OSBPL9: variants seen among roughly 807,000 people sequenced by gnomAD.
The protein encoded by OSBPL9 is oxysterol binding protein like 9, also known as oxysterol-binding protein-related protein 9.
In OSBPL9, 40 loss-of-function variants were observed where a neutral mutation model predicts 106.6. The ratio of observed to expected loss-of-function variants is 0.38; its 90% CI spans 0.29 to 0.49. The LOEUF is 0.49. Ranked by LOEUF, OSBPL9 falls within the 20% of genes least tolerant of loss-of-function variation. The pLI is 0.97. For synonymous variants in OSBPL9, 269 were observed against 295.4 expected, an observed-to-expected ratio of 0.91 and a Z score of 0.92; for missense variants, 609 against 887.2, an observed-to-expected ratio of 0.69 and a Z score of 3.98.
At position 51,784,513 on chromosome 1, in the gene OSBPL9, G is replaced by A. The variant is rs747177719; in HGVS notation, c.1760G>A (p.Ser587Asn). ...ATTAATTGTTCCAAAACAGGCTATAGTGCAAATATCATCTTCCACACTAAA... is the reference window on the plus strand; with the variant it reads ...ATTAATTGTTCCAAAACAGGCTATAATGCAAATATCATCTTCCACACTAAA... ...CNINCSKTGY[S>N]ANIIFHTKPF... Residue 587 changes from serine (S) to asparagine (N), a missense_variant, in exon 20 of 24, where the codon AGT becomes AAT. Ser to Asn is a conservative substitution (Grantham distance 46). Transcript: ENST00000428468. 2 of 1,613,560 alleles carry A rather than the reference G, an allele frequency of 1.2e-6. No homozygotes were observed.
At chr1:51,696,405 A>G (rs895959451) in intron 3 of OSBPL9, among the ~76,000 whole-genome samples, 1 of 152,202 alleles carries the variant, frequency 6.6e-6, no homozygotes, top group African/African-American at 2.4e-5. Flanking sequence ...TCTAAAAACA[A>G]CAACAACAAC....
the OSBPL9 span, among the ~76,000 whole-genome samples, chr1:51,526,067 G>A: frequency 6.6e-6 from 1 of 152,132 alleles, no homozygotes; most frequent in African/African-American, 2.4e-5. Flanking sequence ...TGTAGAGACA[G>A]GGTTTTGCCA....
intron 2 of OSBPL9, among the ~76,000 whole-genome samples, chr1:51,666,075 T>G (rs527795567): frequency 1.3e-5 from 2 of 152,174 alleles, no homozygotes; most frequent in Non-Finnish European, 2.9e-5. Context: ...CTCAAACCCC[T>G]GACCTCAGGT....
In OSBPL9 at chr1:51,663,312, G is replaced by GTA. The variant is rs528898801; in HGVS notation, c.163-6121_163-6120insAT. On this transcript the variant is annotated intron_variant, in intron 2 of 23. Transcript: ENST00000428468. ...TGCTGGCAAGTGTGTGTGTGTGTGT[G>GTA]TGTGTGTGTGTGTAAAACGTGTGTA... is the stretch of plus-strand genomic sequence containing the variant. Among the ~76,000 whole-genome samples, 70 of 151,820 alleles carry GTA rather than the reference G, an allele frequency of 4.6e-4. 2 individuals are homozygous for GTA. In the South Asian group the frequency reaches 0.012, roughly 26 times the overall value.
intron 8 of OSBPL9, among the ~76,000 whole-genome samples, chr1:51,753,777 C>T (rs1210442276): frequency 6.6e-6 from 1 of 152,204 alleles, no homozygotes; most frequent in Non-Finnish European, 1.5e-5. Context: ...TAGATTCTCT[C>T]CTGCCTAAAT....
intron 1 of OSBPL9, among the ~76,000 whole-genome samples, chr1:51,620,202 T>C (rs1051354005): frequency 6.6e-6 from 1 of 152,182 alleles, no homozygotes; most frequent in Non-Finnish European, 1.5e-5. Context: ...AGCAACCAAT[T>C]GTTTATGTGG....
At chr1:51,691,229 AT>A (rs35832725) in intron 3 of OSBPL9, among the ~76,000 whole-genome samples, 1 of 146,506 alleles carries the variant, frequency 6.8e-6, no homozygotes, top group African/African-American at 2.5e-5. Flanking sequence ...TTATTTAAAA[AT>A]TTTTTCTTTC....
intron 1 of OSBPL9, among the ~76,000 whole-genome samples, chr1:51,626,455 T>C (rs1167849119): frequency 6.6e-6 from 1 of 152,114 alleles, no homozygotes; most frequent in African/African-American, 2.4e-5. Flanking sequence ...TTATGCAGTA[T>C]AACAAACAGT....
intron 3 of OSBPL9, among the ~76,000 whole-genome samples, chr1:51,674,271 AT>A (rs1367564575): frequency 5.3e-5 from 8 of 151,668 alleles, no homozygotes; most frequent in Non-Finnish European, 1.2e-4. Context: ...TGTAATAGTT[AT>A]TTTTTGAGTT....
At chr1:51,581,975 A>G (rs1197347821) in intron 1 of OSBPL9, among the ~76,000 whole-genome samples, 2 of 152,188 alleles carry the variant, frequency 1.3e-5, no homozygotes. Flanking sequence ...GCCCTAGATC[A>G]GCCATTTCTC....
intron 2 of OSBPL9, among the ~76,000 whole-genome samples, chr1:51,604,840 A>G (rs1459086542): frequency 1.3e-5 from 2 of 152,154 alleles, no homozygotes; most frequent in African/African-American, 2.4e-5. Context: ...TTTAGTAGAC[A>G]CGGGGTTTCA....
the OSBPL9 span, among the ~76,000 whole-genome samples, chr1:51,535,913 G>T: frequency 2.6e-5 from 4 of 151,792 alleles, no homozygotes; most frequent in African/African-American, 9.7e-5. Flanking sequence ...TCTCAAACTT[G>T]CAGAAGAGCT....
intron 2 of OSBPL9, among the ~76,000 whole-genome samples, chr1:51,603,128 C>G (rs1258450393): frequency 6.6e-6 from 1 of 152,148 alleles, no homozygotes; most frequent in Non-Finnish European, 1.5e-5. Flanking sequence ...GTACTCCAGC[C>G]TGGGCAACAG....
At chr1:51,744,634 A>G (rs1463988449) in intron 4 of OSBPL9, among the ~76,000 whole-genome samples, 1 of 152,146 alleles carries the variant, frequency 6.6e-6, no homozygotes, top group Non-Finnish European at 1.5e-5. Context: ...GATCAAGTAT[A>G]TTTTACCCAT....
intron 4 of OSBPL9, among the ~76,000 whole-genome samples, chr1:51,727,153 T>TTA (rs397980184): frequency 1.4e-5 from 2 of 142,094 alleles, no homozygotes; most frequent in African/African-American, 5.2e-5. Context: ...TTTTTTTTTT[T>TTA]ACTGGCTTAG....
intron 1 of OSBPL9, among the ~76,000 whole-genome samples, chr1:51,626,586 C>G (rs1644780712): frequency 6.6e-6 from 1 of 152,132 alleles, no homozygotes; most frequent in Non-Finnish European, 1.5e-5. Flanking sequence ...TCACAGCTCA[C>G]TGCAGCCTCG....
chr1:51,624,447 G>A (rs1309251246), intron 1 of OSBPL9, among the ~76,000 whole-genome samples: 1 of 151,924 alleles, frequency 6.6e-6, no homozygotes, highest in Non-Finnish European at 1.5e-5. Context: ...AATTAGCCGG[G>A]CATGGTGGTA....
chr1:51,629,114 T>G (rs1304577210), intron 1 of OSBPL9, among the ~76,000 whole-genome samples: 5 of 152,174 alleles, frequency 3.3e-5, no homozygotes, highest in African/African-American at 1.2e-4. Context: ...TTATACAGGT[T>G]TTCATTCATA....
intron 4 of OSBPL9, among the ~76,000 whole-genome samples, chr1:51,717,675 C>CTT (rs553384136): frequency 2.8e-4 from 39 of 138,986 alleles, no homozygotes; most frequent in Admixed American, 1.1e-3. Context: ...GTTAAAATGG[C>CTT]TTTTTTTTTT....
Sources: gnomAD v4.1 joint callset for allele counts (sites outside exome capture counted in the v4.1 genomes callset) on GRCh38, gnomAD v4.1.1 for gene constraint, MANE v1.5 for transcripts, NCBI Gene and HGNC (gene_info 2026-07-23, HGNC 2026-07-21) for gene names.